WTIP: variants seen among roughly 807,000 people sequenced by gnomAD.
WTIP encodes the protein WT1 interacting protein, also known as Wilms tumor protein 1-interacting protein.
Under a neutral mutation model 41.7 loss-of-function variants are expected in WTIP, and 23 were observed. That is an observed-to-expected ratio of 0.55 (90% CI 0.40 to 0.78). WTIP has a LOEUF of 0.78. WTIP is among the 30% of genes least tolerant of loss of function. The pLI, the probability that WTIP is intolerant of heterozygous loss-of-function variation, is 0.00. For synonymous variants in WTIP, 314 were observed against 269.9 expected (o/e 1.16, Z -1.60); for missense variants, 619 against 610.5 (o/e 1.01, Z -0.15).
chr19:34,489,351 A>AC (rs2075814173), intron 1 of WTIP, among the ~76,000 whole-genome samples: 1 of 151,992 alleles, frequency 6.6e-6, no homozygotes, highest in South Asian at 2.1e-4. Flanking sequence ...GTGGTGCCTG[A>AC]CCTTAGGGGC....
intron 1 of WTIP, among the ~76,000 whole-genome samples, chr19:34,489,877 T>C (rs1396689197): frequency 2.0e-5 from 3 of 152,136 alleles, no homozygotes; most frequent in African/African-American, 7.2e-5. Context: ...GAGGCTGCAG[T>C]GAGCTGTGAT....
At chr19:34,486,591 C>T (rs1034036459) in intron 1 of WTIP, among the ~76,000 whole-genome samples, 1 of 152,124 alleles carries the variant, frequency 6.6e-6, no homozygotes, top group Non-Finnish European at 1.5e-5. Flanking sequence ...ATGGTCTCAT[C>T]TCCTGACCTC....
At position 34,482,057 on chromosome 19, in the gene WTIP, G is replaced by C; in HGVS notation, c.83G>C (p.Gly28Ala). The change falls in exon 1 of 8, where the codon GGC (glycine) becomes GCC (alanine). Residue 28 changes from glycine (G) to alanine (A), a missense_variant. Gly to Ala is a moderately conservative substitution (Grantham distance 60). This residue lies in a region of WTIP where 363 missense variants were observed against 309.0 expected (regional missense o/e 1.17). Coordinates refer to ENST00000590071, the MANE Select transcript of WTIP (RefSeq NM_001080436.2). Reference protein sequence around the residue: ...LALRELEPGCGSPGRGRRGPR... With the variant: ...LALRELEPGCASPGRGRRGPR... ...CTGCGGGAGCTGGAGCCCGGGTGCG[G>C]CTCTCCCGGTCGGGGGCGGCGGGGG... 1 of 1,034,320 alleles carries C rather than the reference G, an allele frequency of 9.7e-7. No homozygotes were observed. The highest frequency in any genetic ancestry group is 1.2e-6 in the Non-Finnish European group (1 of 862,926). The allele number at this position is 1,034,320 out of a possible 1,614,324, so 64.1% of individuals were successfully genotyped here. A position where few individuals can be genotyped will look rare whatever the true frequency, so the allele number is the denominator to read the frequency against.
rs1237266608 is a variant in WTIP, at chr19:34,482,152, G to C, written c.178G>C (p.Glu60Gln). 2 of 1,069,400 alleles carry C rather than the reference G, an allele frequency of 1.9e-6. No individual in the cohort carries two copies. Among genetic ancestry groups the C allele is most frequent in the Non-Finnish European group, 2.3e-6 (2 of 886,072 alleles). The allele number at this position is 1,069,400 out of a possible 1,614,324, so 66.2% of individuals were successfully genotyped here. Residue 60 changes from glutamate to glutamine, a missense_variant, in exon 1 of 8, where the codon GAG becomes CAG. Around this residue, in one of 3 missense-constraint regions of WTIP, gnomAD observed 363 missense variants for 309.0 expected, o/e 1.17. Transcript: ENST00000590071. ...CAGAGGGAAGGGCAGCGGCGGCCCC[G>C]AGGCCGGGGCGGACGGACTGAGCCG... ...GRRGKGSGGP[E>Q]AGADGLSRGE...
intron 1 of WTIP, among the ~76,000 whole-genome samples, chr19:34,484,877 C>T (rs1361977248): frequency 1.4e-5 from 2 of 144,750 alleles, no homozygotes; most frequent in Non-Finnish European, 3.0e-5. Flanking sequence ...CTGCAACGAG[C>T]TATGATCGTG....
Position 34,493,674 on chromosome 19 carries a change from T to A in WTIP, c.1031+52T>A. 1 of 1,607,656 alleles carries A rather than the reference T, an allele frequency of 6.2e-7. No homozygotes were observed. The highest frequency in any genetic ancestry group is 8.5e-7 in the Non-Finnish European group (1 of 1,176,580). The stretch of plus-strand genomic sequence containing the variant: ...CGGGACTCGGGCCGTCCTCCCTGGC[T>A]CCTCTGGAAGCATTTTTTTCCTGCT... On this transcript the variant is annotated intron_variant, in intron 5 of 7. Transcript: ENST00000590071. This position sits in a 1 kb window ranked among gnomAD's most constrained non-coding sequence, Gnocchi z 4.1.
intron 1 of WTIP, among the ~76,000 whole-genome samples, chr19:34,486,130 C>T (rs2075795993): frequency 6.6e-6 from 1 of 152,192 alleles, no homozygotes; most frequent in African/African-American, 2.4e-5. Context: ...ACCGTTTTCC[C>T]TTCACTCTAG....
rs545852014 is a variant in WTIP at position 34,506,299 on chromosome 19, T to C, written c.*6030T>C. The C allele has an allele frequency of 3.3e-5, 5 of 152,306 alleles. No individual in the cohort carries two copies. Among genetic ancestry groups the C allele is most frequent in the Admixed American group, 2.0e-4 (3 of 15,298 alleles). The allele number at this position is 152,306 out of a possible 1,614,324, so 9.4% of individuals were successfully genotyped here. Reference sequence around the variant, plus strand: ...GGGGCTGTCCTTCCACAGTGTGCACTGAGGGTGCAGGCCAAACCTTTTAAA... The same window carrying C: ...GGGGCTGTCCTTCCACAGTGTGCACCGAGGGTGCAGGCCAAACCTTTTAAA... On this transcript the variant is annotated 3_prime_UTR_variant, in exon 8 of 8. Transcript: ENST00000590071.
In WTIP at chr19:34,509,987, C is replaced by T. The variant is rs564389351; in HGVS notation, c.*9718C>T. ...CCTGTGGCTTTGCAGGGCATAGCTC[C>T]CCTGCTGGCTTCTTTCATGGGCTGG... On this transcript the variant is annotated 3_prime_UTR_variant, in exon 8 of 8. Transcript: ENST00000590071. 1 of 152,312 alleles carries T rather than the reference C, an allele frequency of 6.6e-6. No homozygotes were observed. Among genetic ancestry groups the T allele is most frequent in the South Asian group, 2.1e-4 (1 of 4,814 alleles). The allele number at this position is 152,312 out of a possible 1,614,324, so 9.4% of individuals were successfully genotyped here.
At chr19:34,486,546 TTTGGTAGAGACA>T (rs1308015690) in intron 1 of WTIP, among the ~76,000 whole-genome samples, 1 of 152,084 alleles carries the variant, frequency 6.6e-6, no homozygotes, top group Non-Finnish European at 1.5e-5. Flanking sequence ...ATTTTGTATT[TTTGGTAGAGACA>T]GGGTTTCACT....
chr19:34,490,458 C>T lies in WTIP; in HGVS notation c.750C>T (p.Cys250=), dbSNP rs890599269. The T allele has an allele frequency of 6.2e-7, 1 of 1,613,974 alleles. No individual in the cohort carries two copies. The highest frequency in any genetic ancestry group is 1.7e-5 in the Admixed American group (1 of 60,008). The change falls in exon 2 of 8, where the codon TGC becomes TGT. Residue 250 remains cysteine (C), a synonymous_variant. Coordinates refer to ENST00000590071, the MANE Select transcript of WTIP (RefSeq NM_001080436.2). ...QAMGSLYHTD[C]FTCDSCGRRL... is the part of the protein sequence containing the mutation. ...TGGGGAGTCTTTATCACACTGACTG[C>T]TTCACCTGCGACTCGTGTGGTAGGT...
intron 1 of WTIP, among the ~76,000 whole-genome samples, chr19:34,486,036 C>CGGCT (rs1199180685): frequency 3.3e-5 from 5 of 152,164 alleles, no homozygotes; most frequent in Non-Finnish European, 5.9e-5. Flanking sequence ...TGCCATTAGC[C>CGGCT]AGCCAACAGC....
In WTIP at chr19:34,500,526, C is replaced by T. The variant is rs2075879659; in HGVS notation, c.*257C>T. 1 of 478,678 alleles carries T rather than the reference C, an allele frequency of 2.1e-6. No homozygotes were observed. Among genetic ancestry groups the T allele is most frequent in the Admixed American group, 3.6e-5 (1 of 27,466 alleles). 29.7% of individuals were successfully genotyped at this position (478,678 alleles called of 1,614,324 possible). ...TTGGAGGCCCCCTGTGCCCTGCAGC[C>T]TCAGGGTAGGCCGTGGGTCACCAGG... On this transcript the variant is annotated 3_prime_UTR_variant, in exon 8 of 8. Transcript: ENST00000590071.
At position 34,493,122 on chromosome 19, in the gene WTIP, C is replaced by G; in HGVS notation, c.837+18C>G. ...ACTTCCTGGTGAGTCCAAGCTGTGC[C>G]CTGGCAGTGCCAGGGGTGGGAGGTG... On this transcript the variant is annotated intron_variant, in intron 3 of 7. Coordinates refer to ENST00000590071, the MANE Select transcript of WTIP (RefSeq NM_001080436.2). The surrounding 1 kb of genome is among the most constrained non-coding windows in gnomAD (Gnocchi z 4.1). 6.2e-7 allele frequency: 1 copy of G among 1,613,922 alleles called. No homozygotes were observed. The highest frequency in any genetic ancestry group is 8.5e-7 in the Non-Finnish European group (1 of 1,179,854).
rs1014076623 is a variant in WTIP, at chr19:34,490,915, G to A, written c.769+438G>A. On this transcript the variant is annotated intron_variant, in intron 2 of 7. Coordinates refer to ENST00000590071, the MANE Select transcript of WTIP (RefSeq NM_001080436.2). ...CGGCTCACTGCAGCCTCTGCCTCCC[G>A]GTTTCAAGAGATTCTCCTGCCTCAG... Among the ~76,000 whole-genome samples, 41 of 151,906 alleles carry A rather than the reference G, an allele frequency of 2.7e-4. 1 individual carries two copies. The highest frequency in any genetic ancestry group is 9.2e-4 in the African/African-American group (38 of 41,350).
Position 34,507,874 on chromosome 19 carries a change from T to C in WTIP, c.*7605T>C, listed in dbSNP as rs2075919150. Reference sequence around the variant, plus strand: ...GCCTCCAGTCCTGGTCCCACACATCTCCTGGAGCAGAGCCTGATTCCCAGC... The same window carrying C: ...GCCTCCAGTCCTGGTCCCACACATCCCCTGGAGCAGAGCCTGATTCCCAGC... On this transcript the variant is annotated 3_prime_UTR_variant, in exon 8 of 8. Transcript: ENST00000590071. 6.6e-6 allele frequency: 1 copy of C among 151,884 alleles called. No homozygotes were observed. The highest frequency in any genetic ancestry group is 2.4e-5 in the African/African-American group (1 of 41,436). 9.4% of individuals were successfully genotyped at this position (151,884 alleles called of 1,614,324 possible).
At position 34,511,068 on chromosome 19, in the gene WTIP, C is replaced by G. The variant is rs12610301; in HGVS notation, c.*10799C>G. 1 of 152,262 alleles carries G rather than the reference C, an allele frequency of 6.6e-6. No individual in the cohort carries two copies. The highest frequency in any genetic ancestry group is 1.5e-5 in the Non-Finnish European group (1 of 68,202). The allele number at this position is 152,262 out of a possible 1,614,324, so 9.4% of individuals were successfully genotyped here. A position where few individuals can be genotyped will look rare whatever the true frequency, so the allele number is the denominator to read the frequency against. On this transcript the variant is annotated 3_prime_UTR_variant, in exon 8 of 8. Transcript: ENST00000590071. ...AGTTCCAAAGTTGCTTCCACATTTT[C>G]GGGTATGTTTTCAGCAACACCCCAC...
Position 34,482,339 on chromosome 19 carries a change from G to A in WTIP, c.365G>A (p.Arg122His). The A allele has an allele frequency of 1.4e-6, 2 of 1,384,758 alleles. No individual in the cohort carries two copies. The highest frequency in any genetic ancestry group is 1.4e-5 in the South Asian group (1 of 70,742). 85.8% of individuals were successfully genotyped at this position (1,384,758 alleles called of 1,614,324 possible). A position where few individuals can be genotyped will look rare whatever the true frequency, so the allele number is the denominator to read the frequency against. The stretch of plus-strand genomic sequence containing the variant: ...TACGACCAGCGCCACGGCAGCCCGC[G>A]CTCCGGTCGCTCGGACCCGCGTCCC... The part of the protein sequence containing the change: ...LGYDQRHGSP[R>H]SGRSDPRPGP... The change falls in exon 1 of 8, where the codon CGC (arginine) becomes CAC (histidine). Residue 122 changes from arginine (R) to histidine (H), a missense_variant. By Grantham distance (29) the Arg-to-His change is conservative. Coordinates refer to ENST00000590071, the MANE Select transcript of WTIP (RefSeq NM_001080436.2).
rs76227234 is a variant in WTIP, at chr19:34,485,703, C to T, written c.667+3062C>T. Among the ~76,000 whole-genome samples, 1,156 of 152,156 alleles carry T rather than the reference C, an allele frequency of 7.6e-3. 48 individuals are homozygous for T. The East Asian group carries it at 0.1, about 14-fold the overall frequency. On this transcript the variant is annotated intron_variant, in intron 1 of 7. Coordinates refer to ENST00000590071, the MANE Select transcript of WTIP (RefSeq NM_001080436.2). ...TGAACTCCTGGGCTTAAGCAATCCT[C>T]CTGCTTCAGCCTCCTGAGTAGCTGA...
Sources: gnomAD v4.1 joint callset for allele counts (sites outside exome capture counted in the v4.1 genomes callset) on GRCh38, gnomAD v4.1.1 for gene constraint, gnomAD v4.1.1 regional missense constraint, Gnocchi (gnomAD v3.1) non-coding constraint, MANE v1.5 for transcripts, NCBI Gene and HGNC (gene_info 2026-07-23, HGNC 2026-07-21) for gene names.